LRRC4C: variants seen among roughly 807,000 people sequenced by gnomAD.
LRRC4C encodes leucine-rich repeat-containing protein 4C.
LRRC4C carries 5 observed loss-of-function variants against 33.6 expected under a neutral mutation model. The observed-to-expected ratio is 0.15, with a 90% confidence interval of 0.08 to 0.31. The LOEUF (loss-of-function observed/expected upper bound fraction) is 0.31. Ranked by LOEUF, LRRC4C falls within the 10% of genes least tolerant of loss-of-function variation. The pLI is 1.00. For synonymous variants in LRRC4C, 329 were observed against 302.0 expected, an observed-to-expected ratio of 1.09 and a Z score of -0.93; for missense variants, 560 against 796.7, an observed-to-expected ratio of 0.70 and a Z score of 3.58.
At chr11:40,504,161 A>ATT (rs150063199) in intron 3 of LRRC4C, among the ~76,000 whole-genome samples, 1 of 149,332 alleles carries the variant, frequency 6.7e-6, no homozygotes, top group African/African-American at 2.5e-5. Context: ...CATTGCTCCC[A>ATT]TTTTTTTTTT....
intron 3 of LRRC4C, among the ~76,000 whole-genome samples, chr11:40,646,530 T>A (rs555531803): frequency 3.1e-4 from 47 of 152,148 alleles, no homozygotes; most frequent in Non-Finnish European, 6.5e-4. Context: ...TCCCTGTGTA[T>A]AAATAGAAAG....
chr11:41,390,536 G>A (rs1953549040), intron 1 of LRRC4C, among the ~76,000 whole-genome samples: 1 of 151,798 alleles, frequency 6.6e-6, no homozygotes, highest in South Asian at 2.1e-4. Flanking sequence ...TAAACCCTTT[G>A]TGTTCTATGA....
chr11:41,153,670 C>T (rs544122849), intron 1 of LRRC4C, among the ~76,000 whole-genome samples: 2 of 152,190 alleles, frequency 1.3e-5, no homozygotes, highest in South Asian at 4.1e-4. Flanking sequence ...TTATGAATAT[C>T]CTGCCTAGCA....
intron 6 of LRRC4C, among the ~76,000 whole-genome samples, chr11:40,134,532 A>C (rs530938943): frequency 6.6e-6 from 1 of 152,322 alleles, no homozygotes; most frequent in Admixed American, 6.5e-5. Context: ...CTGGAAGGGA[A>C]AAGGACAGTG....
At chr11:41,375,731 A>G (rs1443005082) in intron 1 of LRRC4C, among the ~76,000 whole-genome samples, 1 of 152,160 alleles carries the variant, frequency 6.6e-6, no homozygotes, top group Non-Finnish European at 1.5e-5. Context: ...CTATCATGGC[A>G]GAGAAGAAAT....
chr11:41,447,712 A>G (rs1295148969), intron 1 of LRRC4C, among the ~76,000 whole-genome samples: 1 of 152,218 alleles, frequency 6.6e-6, no homozygotes, highest in East Asian at 1.9e-4. Context: ...ATATAGCACC[A>G]CAATCTACGA....
At chr11:40,473,537 C>A (rs527812107) in intron 3 of LRRC4C, among the ~76,000 whole-genome samples, 3 of 151,980 alleles carry the variant, frequency 2.0e-5, no homozygotes, top group African/African-American at 7.3e-5. Flanking sequence ...CTTTGACAAC[C>A]GGCACAAGAC....
intron 3 of LRRC4C, among the ~76,000 whole-genome samples, chr11:40,603,057 C>A (rs1463306937): frequency 6.6e-6 from 1 of 151,916 alleles, no homozygotes; most frequent in Non-Finnish European, 1.5e-5. Flanking sequence ...ACCTGAGTCA[C>A]AAAAGTCACT....
At chr11:41,250,254 T>C (rs1346212700) in intron 1 of LRRC4C, among the ~76,000 whole-genome samples, 1 of 152,166 alleles carries the variant, frequency 6.6e-6, no homozygotes, top group Non-Finnish European at 1.5e-5. Flanking sequence ...TAAATAGTTG[T>C]TTCACAAAAG....
At chr11:40,486,537 CA>C (rs2138461305) in intron 3 of LRRC4C, among the ~76,000 whole-genome samples, 1 of 151,934 alleles carries the variant, frequency 6.6e-6, no homozygotes, top group East Asian at 1.9e-4. Flanking sequence ...ATTTTTAAGG[CA>C]AAAGAGGAAA....
chr11:41,245,910 A>G (rs1948432690), intron 1 of LRRC4C, among the ~76,000 whole-genome samples: 1 of 152,126 alleles, frequency 6.6e-6, no homozygotes. Flanking sequence ...CTGGCTGAGG[A>G]CAGGGATTTT....
At chr11:41,441,137 G>A (rs896188798) in intron 1 of LRRC4C, among the ~76,000 whole-genome samples, 12 of 152,120 alleles carry the variant, frequency 7.9e-5, no homozygotes, top group Admixed American at 1.3e-4. Flanking sequence ...TAGAAATTTA[G>A]ACCTATATCA....
intron 4 of LRRC4C, among the ~76,000 whole-genome samples, chr11:40,248,384 C>T (rs2136154579): frequency 6.6e-6 from 1 of 152,192 alleles, no homozygotes; most frequent in East Asian, 1.9e-4. Flanking sequence ...TGTAATGCTG[C>T]CTTGTGTGTT....
At chr11:41,211,701 G>A (rs777244102) in intron 1 of LRRC4C, among the ~76,000 whole-genome samples, 1 of 152,272 alleles carries the variant, frequency 6.6e-6, no homozygotes, top group African/African-American at 2.4e-5. Flanking sequence ...TGGTGTATAT[G>A]TGCCACATTT....
intron 1 of LRRC4C, among the ~76,000 whole-genome samples, chr11:40,970,596 G>A (rs1291849770): frequency 6.6e-6 from 1 of 152,180 alleles, no homozygotes; most frequent in Non-Finnish European, 1.5e-5. Context: ...TTGCTATAAA[G>A]ATATCTGAAT....
At chr11:41,384,145 T>C (rs1355184929) in intron 1 of LRRC4C, among the ~76,000 whole-genome samples, 2 of 151,968 alleles carry the variant, frequency 1.3e-5, no homozygotes, top group African/African-American at 4.8e-5. Flanking sequence ...TATTTTGCAA[T>C]AGATTCTTGA....
At chr11:41,209,008 A>C (rs1304128382) in intron 1 of LRRC4C, among the ~76,000 whole-genome samples, 1 of 151,884 alleles carries the variant, frequency 6.6e-6, no homozygotes, top group East Asian at 2.0e-4. Flanking sequence ...TCAAGCCTTA[A>C]GAGCAAACGA....
intron 1 of LRRC4C, among the ~76,000 whole-genome samples, chr11:41,447,240 T>C (rs1399303871): frequency 6.6e-6 from 1 of 152,170 alleles, no homozygotes; most frequent in Non-Finnish European, 1.5e-5. Context: ...TCCTCATCTG[T>C]AAACTAGACA....
chr11:40,858,534 A>C (rs528128488), intron 2 of LRRC4C, among the ~76,000 whole-genome samples: 1 of 151,924 alleles, frequency 6.6e-6, no homozygotes, highest in African/African-American at 2.4e-5. Context: ...ATCTCTACTA[A>C]AAATACAAAC....
Sources: gnomAD v4.1 joint callset for allele counts (sites outside exome capture counted in the v4.1 genomes callset) on GRCh38, gnomAD v4.1.1 for gene constraint, MANE v1.5 for transcripts, NCBI Gene and HGNC (gene_info 2026-07-23, HGNC 2026-07-21) for gene names.